Variants in IL22RA2 observed in about 807,000 individuals in gnomAD.
The protein encoded by IL22RA2 is interleukin 22 receptor subunit alpha 2, also known as interleukin-22 receptor subunit alpha-2.
IL22RA2 carries 39 observed loss-of-function variants against 30.7 expected under a neutral mutation model. That is an observed-to-expected ratio of 1.27 (90% CI 0.98 to 1.66). The LOEUF (loss-of-function observed/expected upper bound fraction) is 1.66, where lower values mean the gene tolerates loss of function less well. Ranked by LOEUF, IL22RA2 falls within the 40% of genes most tolerant of loss-of-function variation. The probability of loss-of-function intolerance (pLI) is 0.00; values close to 1 mark genes in which losing one functional copy is unlikely to be tolerated. For synonymous variants in IL22RA2, 103 were observed against 105.0 expected, an observed-to-expected ratio of 0.98 and a Z score of 0.11; for missense variants, 315 against 312.7, an observed-to-expected ratio of 1.01 and a Z score of -0.05.
chr6:137,168,109 G>A (rs1277827909), intron 1 of IL22RA2, among the ~76,000 whole-genome samples: 3 of 152,138 alleles, frequency 2.0e-5, no homozygotes, highest in Non-Finnish European at 4.4e-5. Flanking sequence ...TTCACCTATG[G>A]TTATAAAAGG....
intron 6 of IL22RA2, 47 bp downstream of exon 6, chr6:137,147,675 T>C (rs550340369): frequency 1.4e-6 from 2 of 1,392,114 alleles, no homozygotes; most frequent in East Asian, 4.8e-5. Context: ...ATTGGTTAAA[T>C]AAACAAAAGA....
At chr6:137,170,007 T>C (rs1778698444) in intron 1 of IL22RA2, among the ~76,000 whole-genome samples, 2 of 152,220 alleles carry the variant, frequency 1.3e-5, no homozygotes, top group Non-Finnish European at 2.9e-5. Flanking sequence ...GCTTTAAAAC[T>C]GTAATACTAG....
chr6:137,159,336 T>G lies in IL22RA2; in HGVS notation c.62-854A>C, dbSNP rs577626310. Among the ~76,000 whole-genome samples the G allele has an allele frequency of 2.0e-5, 3 of 152,176 alleles. No individual in the cohort carries two copies. In the East Asian group the frequency reaches 5.8e-4, roughly 29 times the overall value. On this transcript the variant is annotated intron_variant, in intron 2 of 6. Transcript: ENST00000296980. Reference sequence around the variant, plus strand: ...GGAGTCAAGAAGCATATCTTTTTTTTTTGGATGGAGTTTCACTCTTGTCGC... The same window carrying G: ...GGAGTCAAGAAGCATATCTTTTTTTGTTGGATGGAGTTTCACTCTTGTCGC...
chr6:137,168,297 A>G (rs1176920674), intron 1 of IL22RA2, among the ~76,000 whole-genome samples: 1 of 152,182 alleles, frequency 6.6e-6, no homozygotes, highest in Non-Finnish European at 1.5e-5. Flanking sequence ...CAAATATGTT[A>G]TGACCCAGAG....
chr6:137,157,306 A>T (rs1778425646), intron 3 of IL22RA2, among the ~76,000 whole-genome samples: 1 of 152,172 alleles, frequency 6.6e-6, no homozygotes, highest in Non-Finnish European at 1.5e-5. Context: ...GAAGCATAAA[A>T]AGAGTACCAA....
intron 2 of IL22RA2, among the ~76,000 whole-genome samples, chr6:137,159,678 G>A (rs1341038140): frequency 6.6e-6 from 1 of 152,108 alleles, no homozygotes; most frequent in Non-Finnish European, 1.5e-5. Flanking sequence ...CCCGACCCCT[G>A]TGTTTGCAGT....
At chr6:137,159,270 T>C (rs932222929) in intron 2 of IL22RA2, among the ~76,000 whole-genome samples, 7 of 152,200 alleles carry the variant, frequency 4.6e-5, no homozygotes, top group Admixed American at 2.0e-4. Context: ...TTACTTAGGG[T>C]TCAAGGTTTT....
intron 1 of IL22RA2, among the ~76,000 whole-genome samples, chr6:137,167,828 G>A (rs1035487157): frequency 1.1e-4 from 17 of 152,200 alleles, no homozygotes; most frequent in African/African-American, 4.1e-4. Context: ...AGGCTGGTTG[G>A]TCCACGCACG....
chr6:137,161,750 G>A lies in IL22RA2; in HGVS notation c.-1C>T. The A allele has an allele frequency of 6.2e-7, 1 of 1,613,054 alleles. No individual in the cohort carries two copies. Among genetic ancestry groups the A allele is most frequent in the South Asian group, 1.1e-5 (1 of 90,942 alleles). On this transcript the variant is annotated 5_prime_UTR_variant, in exon 2 of 7. Transcript: ENST00000296980. ...CTAGAAAGCAATGTTTAGGCATCAT[G>A]GTTGCAAGTGTGACTGTTCAGGCAA...
intron 5 of IL22RA2, among the ~76,000 whole-genome samples, chr6:137,151,454 T>A (rs1315526670): frequency 6.6e-6 from 1 of 152,126 alleles, no homozygotes; most frequent in Non-Finnish European, 1.5e-5. Flanking sequence ...ACTATAAAAC[T>A]CTTAGGAGAA....
rs1039574286 is a variant in IL22RA2, at chr6:137,144,776, G to C, written c.*848C>G. 6.6e-6 allele frequency: 1 copy of C among 152,150 alleles called. No homozygotes were observed. Among genetic ancestry groups the C allele is most frequent in the Admixed American group, 6.5e-5 (1 of 15,282 alleles). The allele number at this position is 152,150 out of a possible 1,614,324, so 9.4% of individuals were successfully genotyped here. A position where few individuals can be genotyped will look rare whatever the true frequency, so the allele number is the denominator to read the frequency against. On this transcript the variant is annotated 3_prime_UTR_variant, in exon 7 of 7. Coordinates refer to ENST00000296980, the MANE Select transcript of IL22RA2 (RefSeq NM_052962.3). ...AGGCGCCACAAGCAAGACACTCTTG[G>C]CCAGAAGGATTGAGTAATGAGGTTT...
intron 2 of IL22RA2, among the ~76,000 whole-genome samples, chr6:137,161,250 A>T (rs1000604837): frequency 5.9e-5 from 9 of 152,240 alleles, no homozygotes; most frequent in African/African-American, 2.2e-4. Flanking sequence ...AAGTTTTCCT[A>T]GATGGTAAAT....
intron 5 of IL22RA2, among the ~76,000 whole-genome samples, chr6:137,148,749 A>G (rs1030688585): frequency 6.6e-6 from 1 of 152,206 alleles, no homozygotes; most frequent in Non-Finnish European, 1.5e-5. Context: ...TTTTTAAAGC[A>G]CTTTCCAACT....
rs531547008 is a variant in IL22RA2 at position 137,167,431 on chromosome 6, G to A, written c.-65-5617C>T. On this transcript the variant is annotated intron_variant, in intron 1 of 6. Transcript: ENST00000296980. ...AGATAAACGGGGATTTAAAAAATTG[G>A]GGAATTAACCTTAAGAAGGCAAATG... Among the ~76,000 whole-genome samples, 18 of 152,268 alleles carry A rather than the reference G, an allele frequency of 1.2e-4. No individual in the cohort carries two copies. The South Asian group carries it at 1.9e-3, about 16-fold the overall frequency.
rs1280958224 is a variant in IL22RA2 at position 137,144,290 on chromosome 6, C to G, written c.*1334G>C. 6.6e-6 allele frequency: 1 copy of G among 152,128 alleles called. No individual in the cohort carries two copies. The highest frequency in any genetic ancestry group is 1.5e-5 in the Non-Finnish European group (1 of 68,022). 9.4% of individuals were successfully genotyped at this position (152,128 alleles called of 1,614,324 possible). ...AACCAATTCTCTAGCTCTTGCTCTG[C>G]CTCTTATTCTCCTCCACCCCCCAAT... On this transcript the variant is annotated 3_prime_UTR_variant, in exon 7 of 7. Coordinates refer to ENST00000296980, the MANE Select transcript of IL22RA2 (RefSeq NM_052962.3).
intron 1 of IL22RA2, among the ~76,000 whole-genome samples, chr6:137,167,698 C>G (rs920258244): frequency 6.6e-6 from 1 of 152,174 alleles, no homozygotes; most frequent in Non-Finnish European, 1.5e-5. Context: ...AAACCAGAAG[C>G]AGCCACCACC....
chr6:137,147,493 G>C (rs1778204960), intron 6 of IL22RA2, among the ~76,000 whole-genome samples: 1 of 152,128 alleles, frequency 6.6e-6, no homozygotes, highest in South Asian at 2.1e-4. Flanking sequence ...CTTTAGATAT[G>C]CAGGGAAGAC....
chr6:137,145,860 TG>T, intron 6 of IL22RA2, 87 bp from the exon 7 acceptor site: 1 of 1,384,368 alleles, frequency 7.2e-7, no homozygotes, highest in Non-Finnish European at 1.0e-6. Context: ...AAGTTGTACA[TG>T]GTCACAGCAG....
intron 1 of IL22RA2, among the ~76,000 whole-genome samples, chr6:137,166,596 G>A (rs1393985684): frequency 6.6e-6 from 1 of 152,142 alleles, no homozygotes; most frequent in Non-Finnish European, 1.5e-5. Flanking sequence ...GCCCTTATTG[G>A]AGCTTCCTCT....
Sources: gnomAD v4.1 joint callset for allele counts (sites outside exome capture counted in the v4.1 genomes callset) on GRCh38, gnomAD v4.1.1 for gene constraint, MANE v1.5 for transcripts, NCBI Gene and HGNC (gene_info 2026-07-23, HGNC 2026-07-21) for gene names.